The following ERG variants were observed in gnomAD, a reference collection of about 807,000 sequenced individuals.
ERG encodes transcriptional regulator ERG.
ERG carries 9 observed loss-of-function variants against 55.3 expected under a neutral mutation model. The ratio of observed to expected loss-of-function variants is 0.16; its 90% CI spans 0.10 to 0.28. The LOEUF (loss-of-function observed/expected upper bound fraction) is 0.28, where lower values mean the gene tolerates loss of function less well. Among genes scored for constraint, ERG ranks in the 10% least tolerant of loss-of-function variants. The pLI, the probability that ERG is intolerant of heterozygous loss-of-function variation, is 1.00. For missense variants in ERG, 434 were observed against 631.6 expected, an observed-to-expected ratio of 0.69 and a Z score of 3.35; for synonymous variants, 223 against 237.3, an observed-to-expected ratio of 0.94 and a Z score of 0.55.
chr21:38,465,473 T>C (rs1271470135), intron 1 of ERG, among the ~76,000 whole-genome samples: 2 of 152,192 alleles, frequency 1.3e-5, no homozygotes, highest in African/African-American at 4.8e-5. Context: ...TCCTATAATG[T>C]TGGATACATG....
chr21:38,646,913 G>A (rs758178433), intron 1 of ERG, among the ~76,000 whole-genome samples: 8 of 152,164 alleles, frequency 5.3e-5, no homozygotes, highest in Admixed American at 1.3e-4. Context: ...AAAGCGTGCA[G>A]GGAAAAGGCT....
intron 1 of ERG, among the ~76,000 whole-genome samples, chr21:38,461,974 T>C (rs2059047119): frequency 1.3e-5 from 2 of 151,828 alleles, no homozygotes; most frequent in South Asian, 4.2e-4. Context: ...CTGGCTAATT[T>C]TTTTTTCTTT....
At chr21:38,599,846 C>T (rs902118380) in intron 1 of ERG, among the ~76,000 whole-genome samples, 11 of 152,318 alleles carry the variant, frequency 7.2e-5, no homozygotes, top group African/African-American at 2.2e-4. Context: ...AGTAAAGTTG[C>T]ACCTACATCA....
At chr21:38,367,620 T>G in the ERG span, 2 of 523,498 alleles carry the variant, frequency 3.8e-6, no homozygotes, top group African/African-American at 3.8e-5. Context: ...CTATATTCTA[T>G]TCATTAAAAG....
intron 2 of ERG, among the ~76,000 whole-genome samples, chr21:38,517,812 G>A (rs529960111): frequency 2.6e-5 from 4 of 152,210 alleles, no homozygotes; most frequent in African/African-American, 9.6e-5. Flanking sequence ...GCAGCAACAT[G>A]GATGGAACCG....
intron 2 of ERG, among the ~76,000 whole-genome samples, chr21:38,556,844 G>C (rs962841530): frequency 1.2e-4 from 19 of 152,194 alleles, no homozygotes; most frequent in African/African-American, 4.1e-4. Flanking sequence ...TGTTACAGGA[G>C]TGAGAAATAA....
At chr21:38,563,654 T>C (rs574838752) in intron 2 of ERG, among the ~76,000 whole-genome samples, 2 of 152,394 alleles carry the variant, frequency 1.3e-5, no homozygotes, top group African/African-American at 4.8e-5. Context: ...TGTTTCATTG[T>C]TGCCATTGCT....
chr21:38,614,089 T>A (rs1461836017), intron 1 of ERG, among the ~76,000 whole-genome samples: 1 of 152,174 alleles, frequency 6.6e-6, no homozygotes, highest in Non-Finnish European at 1.5e-5. Context: ...TCCCTCAGGC[T>A]TCATATGCAA....
chr21:38,571,520 A>G (rs1051527476), intron 2 of ERG, among the ~76,000 whole-genome samples: 2 of 151,730 alleles, frequency 1.3e-5, no homozygotes, highest in Non-Finnish European at 2.9e-5. Flanking sequence ...TAAAAAAAAT[A>G]AATAAAAATA....
chr21:38,424,358 T>C (rs1160941005), intron 2 of ERG, among the ~76,000 whole-genome samples: 1 of 152,160 alleles, frequency 6.6e-6, no homozygotes, highest in Non-Finnish European at 1.5e-5. Flanking sequence ...TCGAGTCCCA[T>C]TGTTTCAGCC....
At chr21:38,523,378 A>G (rs2059608283) in intron 2 of ERG, among the ~76,000 whole-genome samples, 2 of 152,190 alleles carry the variant, frequency 1.3e-5, no homozygotes, top group Non-Finnish European at 1.5e-5. Context: ...TCTTGCTGAT[A>G]TATCTTATAT....
At chr21:38,394,542 C>T (rs947251490) in intron 6 of ERG, among the ~76,000 whole-genome samples, 4 of 152,042 alleles carry the variant, frequency 2.6e-5, no homozygotes, top group African/African-American at 9.7e-5. Flanking sequence ...TTAGTAGAGA[C>T]AGGGTCTCAT....
At chr21:38,575,298 T>C (rs2059988046) in intron 2 of ERG, among the ~76,000 whole-genome samples, 1 of 152,136 alleles carries the variant, frequency 6.6e-6, no homozygotes, top group African/African-American at 2.4e-5. Flanking sequence ...CTCAGCAAAA[T>C]TTTTTCTGAA....
At chr21:38,411,209 C>A (rs1389322819) in intron 3 of ERG, among the ~76,000 whole-genome samples, 1 of 152,100 alleles carries the variant, frequency 6.6e-6, no homozygotes, top group Non-Finnish European at 1.5e-5. Context: ...TGTTTCTGAG[C>A]CTTTTAAATT....
chr21:38,526,480 T>A (rs2059631398), intron 2 of ERG, among the ~76,000 whole-genome samples: 1 of 152,202 alleles, frequency 6.6e-6, no homozygotes, highest in Non-Finnish European at 1.5e-5. Context: ...TGCATCATGA[T>A]AGAGAACGAT....
chr21:38,505,687 T>C (rs2059455413), intron 2 of ERG, among the ~76,000 whole-genome samples: 3 of 152,144 alleles, frequency 2.0e-5, no homozygotes, highest in Admixed American at 6.5e-5. Flanking sequence ...ACTGCGCGGT[T>C]GCCTGGTGGA....
chr21:38,511,999 A>G (rs1048811173), intron 2 of ERG, among the ~76,000 whole-genome samples: 2 of 152,236 alleles, frequency 1.3e-5, no homozygotes, highest in Non-Finnish European at 2.9e-5. Context: ...CTTGTAATAT[A>G]ATTGTGTGTG....
chr21:38,482,185 C>T (rs1471382827), intron 1 of ERG, among the ~76,000 whole-genome samples: 2 of 152,296 alleles, frequency 1.3e-5, no homozygotes, highest in East Asian at 1.9e-4. Flanking sequence ...GGTCATCTGA[C>T]CTTCCCAAAC....
intron 2 of ERG, among the ~76,000 whole-genome samples, chr21:38,510,137 G>A (rs2059499911): frequency 6.6e-6 from 1 of 152,198 alleles, no homozygotes; most frequent in Non-Finnish European, 1.5e-5. Context: ...CCACAGTCCT[G>A]AGTGGGATTC....
Sources: allele counts gnomAD v4.1 joint callset (sites outside exome capture counted in the v4.1 genomes callset), GRCh38; gene constraint gnomAD v4.1.1; transcripts MANE v1.5; gene names NCBI Gene and HGNC (gene_info 2026-07-23, HGNC 2026-07-21).